Variants in HIBADH observed in about 807,000 individuals in gnomAD.
The protein encoded by HIBADH is 3-hydroxyisobutyrate dehydrogenase, mitochondrial.
In HIBADH, 25 loss-of-function variants were observed where a neutral mutation model predicts 36.1. The observed-to-expected ratio is 0.69, with a 90% CI of 0.50 to 0.97. The LOEUF (loss-of-function observed/expected upper bound fraction) is 0.97. Among genes scored for constraint, HIBADH ranks in the 50% least tolerant of loss-of-function variants. HIBADH has a pLI of 0.00. For missense variants in HIBADH, 421 were observed against 418.0 expected (o/e 1.01, Z -0.06); for synonymous variants, 160 against 149.5 (o/e 1.07, Z -0.51).
intron 4 of HIBADH, among the ~76,000 whole-genome samples, chr7:27,613,706 T>C (rs1785376059): frequency 1.3e-5 from 2 of 149,588 alleles, no homozygotes; most frequent in Non-Finnish European, 3.0e-5. Context: ...TCACCCAGGC[T>C]GGAGTGCAGT....
intron 4 of HIBADH, among the ~76,000 whole-genome samples, chr7:27,584,186 T>C (rs537646848): frequency 1.3e-5 from 2 of 152,192 alleles, no homozygotes; most frequent in African/African-American, 2.4e-5. Context: ...TAAAGGCTTG[T>C]TGCAATGTGG....
chr7:27,562,368 C>G (rs1784480654), intron 4 of HIBADH, among the ~76,000 whole-genome samples: 1 of 152,088 alleles, frequency 6.6e-6, no homozygotes, highest in Non-Finnish European at 1.5e-5. Context: ...TATTTTAGTT[C>G]TTTAATTCCA....
At chr7:27,647,302 T>C (rs1368531961) in intron 2 of HIBADH, among the ~76,000 whole-genome samples, 1 of 152,190 alleles carries the variant, frequency 6.6e-6, no homozygotes. Flanking sequence ...CAAGATTTCA[T>C]CATGCTACTC....
At chr7:27,556,144 T>G (rs375426839) in intron 4 of HIBADH, among the ~76,000 whole-genome samples, 3 of 105,332 alleles carry the variant, frequency 2.8e-5, no homozygotes, top group Admixed American at 9.6e-5. Context: ...CACTTGTTAA[T>G]AATATCTGCT....
intron 4 of HIBADH, among the ~76,000 whole-genome samples, chr7:27,617,426 T>C (rs1487216341): frequency 6.6e-6 from 1 of 152,190 alleles, no homozygotes; most frequent in African/African-American, 2.4e-5. Context: ...CCTAACACTA[T>C]AACAACTTAT....
intron 4 of HIBADH, among the ~76,000 whole-genome samples, chr7:27,574,128 G>A (rs1430427268): frequency 2.6e-5 from 4 of 152,096 alleles, no homozygotes; most frequent in African/African-American, 4.8e-5. Flanking sequence ...GATTGAAGGA[G>A]TCCAATAAAT....
chr7:27,531,255 C>T lies in HIBADH; in HGVS notation c.789G>A (p.Val263=). Residue 263 remains valine, a synonymous_variant, in exon 7 of 8, where the codon GTG becomes GTA. Transcript: ENST00000265395. ...SSDTYNPVPG[V]MDGVPSANNY... ...TATTAGCCGAGGGAACGCCATCCAT[C>T]ACTCCAGGTACAGGATTATAAGTGT... 2 of 1,614,030 alleles carry T rather than the reference C, an allele frequency of 1.2e-6. No homozygotes were observed. The highest frequency in any genetic ancestry group is 1.7e-6 in the Non-Finnish European group (2 of 1,179,930).
At chr7:27,583,127 AGAT>A (rs1784816992) in intron 4 of HIBADH, among the ~76,000 whole-genome samples, 1 of 152,136 alleles carries the variant, frequency 6.6e-6, no homozygotes, top group Admixed American at 6.5e-5. Flanking sequence ...CACAGAAATA[AGAT>A]GATATTTACA....
intron 4 of HIBADH, among the ~76,000 whole-genome samples, chr7:27,606,786 G>T (rs1785235802): frequency 6.6e-6 from 1 of 152,164 alleles, no homozygotes; most frequent in Non-Finnish European, 1.5e-5. Flanking sequence ...ATAGTTTTAG[G>T]TTGACTTTTT....
chr7:27,531,374 GT>G (rs1340176691), intron 6 of HIBADH, 26 bp from the exon 7 acceptor site: 1 of 1,587,646 alleles, frequency 6.3e-7, no homozygotes. Context: ...GAAAAGAAGT[GT>G]TAAGTGTCAA....
At chr7:27,539,517 G>T (rs1784115333) in intron 5 of HIBADH, among the ~76,000 whole-genome samples, 1 of 152,124 alleles carries the variant, frequency 6.6e-6, no homozygotes, top group Non-Finnish European at 1.5e-5. Context: ...CAATTTCAGT[G>T]TTCAGTATTG....
intron 4 of HIBADH, among the ~76,000 whole-genome samples, chr7:27,599,844 G>T (rs889966078): frequency 4.6e-5 from 7 of 151,426 alleles, no homozygotes; most frequent in African/African-American, 1.7e-4. Context: ...GTAAATGTTT[G>T]TTGGTCCTTT....
intron 4 of HIBADH, among the ~76,000 whole-genome samples, chr7:27,599,458 T>G (rs903466497): frequency 8.6e-5 from 13 of 152,026 alleles, no homozygotes; most frequent in Non-Finnish European, 1.0e-4. Flanking sequence ...CGAGGCGGGC[T>G]GATCACGAGG....
At chr7:27,532,452 A>G (rs1384425421) in intron 6 of HIBADH, among the ~76,000 whole-genome samples, 1 of 152,222 alleles carries the variant, frequency 6.6e-6, no homozygotes, top group East Asian at 1.9e-4. Flanking sequence ...TCTAAAACAC[A>G]TGCCTGTTTA....
At chr7:27,606,032 AT>A (rs1341119397) in intron 4 of HIBADH, among the ~76,000 whole-genome samples, 1 of 152,192 alleles carries the variant, frequency 6.6e-6, no homozygotes, top group Non-Finnish European at 1.5e-5. Flanking sequence ...CATTTCAAAA[AT>A]TTTAAGATTT....
intron 5 of HIBADH, among the ~76,000 whole-genome samples, chr7:27,541,000 C>CTTTA (rs1230966783): frequency 1.3e-5 from 2 of 152,100 alleles, no homozygotes; most frequent in African/African-American, 4.8e-5. Flanking sequence ...AAGTTAGCAA[C>CTTTA]TTTATAGATA....
intron 4 of HIBADH, among the ~76,000 whole-genome samples, chr7:27,544,600 G>A (rs923691894): frequency 1.3e-5 from 2 of 151,868 alleles, no homozygotes; most frequent in African/African-American, 2.4e-5. Context: ...TAATTATTTC[G>A]CTCAATTTCT....
intron 4 of HIBADH, among the ~76,000 whole-genome samples, chr7:27,573,000 G>A (rs1043737663): frequency 7.9e-5 from 12 of 152,092 alleles, no homozygotes; most frequent in African/African-American, 2.9e-4. Context: ...AGATCAATAT[G>A]GGCCATGAAA....
At position 27,538,375 on chromosome 7, in the gene HIBADH, T is replaced by C. The variant is rs1443454978; in HGVS notation, c.661A>G (p.Ile221Val). ...CNNMLLAISMIGTAEAMNLGI... is the reference protein window; with the variant it reads ...CNNMLLAISMVGTAEAMNLGI... ...AGATTCATAGCTTCAGCAGTTCCAA[T>C]CATACTAATAGCTAACAGCATGTTG... The change falls in exon 6 of 8, where the codon ATT becomes GTT. Residue 221 changes from isoleucine (I) to valine (V), a missense_variant. By Grantham distance (29) the Ile-to-Val change is conservative (BLOSUM62 3). Transcript: ENST00000265395. 4 of 1,613,200 alleles carry C rather than the reference T, an allele frequency of 2.5e-6. No homozygotes were observed. In the South Asian group the frequency reaches 3.3e-5, roughly 13 times the overall value.
Sources: allele counts gnomAD v4.1 joint callset (sites outside exome capture counted in the v4.1 genomes callset), GRCh38; gene constraint gnomAD v4.1.1; transcripts MANE v1.5; gene names NCBI Gene and HGNC (gene_info 2026-07-23, HGNC 2026-07-21).